The following PCDHGB7 variants were observed in gnomAD, a reference collection of about 807,000 sequenced individuals.
PCDHGB7 encodes the protein protocadherin gamma-B7.
A neutral mutation model predicts 61.4 loss-of-function variants in PCDHGB7; 37 were observed. The ratio of observed to expected loss-of-function variants is 0.60; its 90% CI spans 0.46 to 0.79. The LOEUF is 0.79. PCDHGB7 is among the 30% of genes least tolerant of loss of function. PCDHGB7 has a pLI of 0.00. For missense variants in PCDHGB7, 1,166 were observed against 1,202.5 expected (o/e 0.97, Z 0.45); for synonymous variants, 464 against 503.5 (o/e 0.92, Z 1.05).
At chr5:141,451,610 G>T (rs184745360) in intron 1 of PCDHGB7, among the ~76,000 whole-genome samples, 60 of 152,298 alleles carry the variant, frequency 3.9e-4, no homozygotes, top group African/African-American at 1.3e-3. Context: ...GGCTAGGCAT[G>T]GTGGCTCAAA....
chr5:141,434,938 A>G (rs938787407), intron 1 of PCDHGB7, among the ~76,000 whole-genome samples: 2 of 151,738 alleles, frequency 1.3e-5, no homozygotes, highest in Admixed American at 1.3e-4. Flanking sequence ...TATATAATAG[A>G]TATAATTTAT....
chr5:141,419,170 C>T lies in PCDHGB7; in HGVS notation c.1311C>T (p.Thr437=), dbSNP rs758796140. ...RGKPPLSSSK[T]ITLHITDVND... ...AGCCTCCGTTATCCTCCAGCAAAAC[C>T]ATAACCCTGCACATTACTGACGTCA... is the stretch of plus-strand genomic sequence containing the variant. The change falls in exon 1 of 4, where the codon ACC becomes ACT. Residue 437 remains threonine (T), a synonymous_variant. Coordinates refer to ENST00000398594, the MANE Select transcript of PCDHGB7 (RefSeq NM_018927.4). 2.5e-6 allele frequency: 4 copies of T among 1,613,966 alleles called. No homozygotes were observed. The highest frequency in any genetic ancestry group is 3.4e-6 in the Non-Finnish European group (4 of 1,179,890).
intron 1 of PCDHGB7, among the ~76,000 whole-genome samples, chr5:141,463,839 T>C (rs1356261890): frequency 1.3e-5 from 2 of 152,240 alleles, no homozygotes; most frequent in African/African-American, 4.8e-5. Flanking sequence ...TTCCCAGTTG[T>C]TATAGTGGTA....
Position 141,491,529 on chromosome 5 carries a change from G to T in PCDHGB7, c.2416-3278G>T, listed in dbSNP as rs1157770121. ...GCACGCTCAAGTACATGGAGGTGAC[G>T]CTGCGGCCCACAGACTCGCAGAGCC... On this transcript the variant is annotated intron_variant, in intron 1 of 3. Transcript: ENST00000398594. This position sits in a 1 kb window ranked among gnomAD's most constrained non-coding sequence, Gnocchi z 6.9. The T allele has an allele frequency of 6.2e-7, 1 of 1,614,040 alleles. No individual in the cohort carries two copies. The highest frequency in any genetic ancestry group is 1.1e-5 in the South Asian group (1 of 91,080).
At chr5:141,480,763 A>G (rs541754723) in intron 1 of PCDHGB7, among the ~76,000 whole-genome samples, 1 of 152,308 alleles carries the variant, frequency 6.6e-6, no homozygotes, top group East Asian at 1.9e-4. Flanking sequence ...GAAGGTCCCC[A>G]CTTGATCCTA....
intron 1 of PCDHGB7, among the ~76,000 whole-genome samples, chr5:141,479,036 G>C (rs1202411463): frequency 1.3e-5 from 2 of 152,012 alleles, no homozygotes; most frequent in Non-Finnish European, 2.9e-5. Flanking sequence ...TATACAGATC[G>C]TGTACCTCAT....
intron 3 of PCDHGB7, among the ~76,000 whole-genome samples, chr5:141,506,866 T>C (rs1182560001): frequency 2.6e-5 from 4 of 152,104 alleles, no homozygotes; most frequent in Admixed American, 2.6e-4. Context: ...GACTGGTGGG[T>C]AGAGAACCAG....
intron 1 of PCDHGB7, chr5:141,430,634 C>A: frequency 1.1e-6 from 1 of 882,730 alleles, no homozygotes; most frequent in Non-Finnish European, 1.7e-6. Flanking sequence ...TGAACCATCC[C>A]TGGGAGTATG....
chr5:141,469,005 G>A (rs1011079995), intron 1 of PCDHGB7, among the ~76,000 whole-genome samples: 7 of 151,814 alleles, frequency 4.6e-5, no homozygotes, highest in South Asian at 2.1e-4. Context: ...TGCTGGGTGC[G>A]GTGGGTCACT....
intron 1 of PCDHGB7, among the ~76,000 whole-genome samples, chr5:141,462,993 T>A (rs1350208420): frequency 1.3e-5 from 2 of 152,164 alleles, no homozygotes; most frequent in African/African-American, 4.8e-5. Flanking sequence ...TTGGGCTAAT[T>A]TAGACCTACC....
rs367919924 is a variant in PCDHGB7, at chr5:141,487,711, T to A, written c.2416-7096T>A. The A allele has an allele frequency of 1.1e-5, 18 of 1,586,144 alleles. No individual in the cohort carries two copies. In the African/African-American group the frequency reaches 2.1e-4, roughly 19 times the overall value. On this transcript the variant is annotated intron_variant, in intron 1 of 3. Transcript: ENST00000398594. The surrounding 1 kb of genome is among the most constrained non-coding windows in gnomAD (Gnocchi z 5.0). ...TAGAGAGTACTGGCCTCTCAGTAAG[T>A]GCCCATAGTGATGTCACCATTTTTG...
At position 141,491,257 on chromosome 5, in the gene PCDHGB7, G is replaced by GAAAT. The variant is rs1562145331; in HGVS notation, c.2416-3549_2416-3546dup. On this transcript the variant is annotated intron_variant, in intron 1 of 3. Transcript: ENST00000398594. The surrounding 1 kb of genome is among the most constrained non-coding windows in gnomAD (Gnocchi z 6.9). ...GGTTCTGGAGGATGAGGACCCTGAG[G>GAAAT]AAATGCCCAAATCCAGTGACTTCCT... is the stretch of plus-strand genomic sequence containing the variant. 6.2e-7 allele frequency: 1 copy of GAAAT among 1,614,170 alleles called. No individual in the cohort carries two copies. Among genetic ancestry groups the GAAAT allele is most frequent in the East Asian group, 2.2e-5 (1 of 44,884 alleles).
At chr5:141,426,986 C>A (rs764345099) in intron 1 of PCDHGB7, 6 of 456,618 alleles carry the variant, frequency 1.3e-5, no homozygotes, top group Non-Finnish European at 2.2e-5. Flanking sequence ...CTGATGCCAA[C>A]GATAATGCCC....
Position 141,486,316 on chromosome 5 carries a change from A to G in PCDHGB7, c.2416-8491A>G, listed in dbSNP as rs1251956899. The G allele has an allele frequency of 6.2e-7, 1 of 1,614,066 alleles. No individual in the cohort carries two copies. On this transcript the variant is annotated intron_variant, in intron 1 of 3. Transcript: ENST00000398594. This position sits in a 1 kb window ranked among gnomAD's most constrained non-coding sequence, Gnocchi z 5.0. ...GTGTGCAGGATCCAGACTCAGGGTC[A>G]AACGGAGATGTGAGCCTCCGCATTC...
intron 1 of PCDHGB7, among the ~76,000 whole-genome samples, chr5:141,445,700 A>G (rs2098474731): frequency 6.6e-6 from 1 of 152,216 alleles, no homozygotes; most frequent in Non-Finnish European, 1.5e-5. Flanking sequence ...TAAAAAAGAA[A>G]TTGTCAGGCA....
At chr5:141,464,223 CCACTGCA>C (rs916210777) in intron 1 of PCDHGB7, among the ~76,000 whole-genome samples, 4 of 150,824 alleles carry the variant, frequency 2.7e-5, no homozygotes, top group Non-Finnish European at 4.4e-5. Flanking sequence ...TGAGATTGCG[CCACTGCA>C]CTCCAGCCTG....
intron 1 of PCDHGB7, chr5:141,427,048 C>T (rs1257232583): frequency 4.4e-6 from 2 of 457,350 alleles, no homozygotes; most frequent in South Asian, 1.5e-5. Context: ...AATGTGCCCC[C>T]AGGCACCTCT....
At chr5:141,433,266 T>C in intron 1 of PCDHGB7, 1 of 1,315,306 alleles carries the variant, frequency 7.6e-7, no homozygotes, top group Non-Finnish European at 1.1e-6. Flanking sequence ...CGATCATAGC[T>C]CACTGCAGCC....
chr5:141,421,353 G>C, intron 1 of PCDHGB7: 1 of 1,613,998 alleles, frequency 6.2e-7, no homozygotes, highest in Non-Finnish European at 8.5e-7. Flanking sequence ...AGACCGAAAA[G>C]GGCTCCTTCG....
Sources: gnomAD v4.1 joint callset for allele counts (sites outside exome capture counted in the v4.1 genomes callset) on GRCh38, gnomAD v4.1.1 for gene constraint, Gnocchi (gnomAD v3.1) non-coding constraint, MANE v1.5 for transcripts, NCBI Gene and HGNC (gene_info 2026-07-23, HGNC 2026-07-21) for gene names.